Variants in MTFR1 observed in about 807,000 individuals in gnomAD.
The protein encoded by MTFR1 is chondrocyte protein with a poly-proline region.
In MTFR1, 28 loss-of-function variants were observed where a neutral mutation model predicts 38.8. That is an observed-to-expected ratio of 0.72 (90% CI 0.53 to 0.99). MTFR1 has a LOEUF of 0.99. Among genes scored for constraint, MTFR1 ranks in the 50% least tolerant of loss-of-function variants. The probability of loss-of-function intolerance (pLI) is 0.00; values close to 1 mark genes in which losing one functional copy is unlikely to be tolerated. For synonymous variants in MTFR1, 145 were observed against 137.0 expected (o/e 1.06, Z -0.41); for missense variants, 358 against 395.5 (o/e 0.91, Z 0.81).
chr8:65,691,782 TC>T (rs1179149217), intron 3 of MTFR1, among the ~76,000 whole-genome samples: 1 of 152,162 alleles, frequency 6.6e-6, no homozygotes, highest in African/African-American at 2.4e-5. Flanking sequence ...CCCTAGTGGC[TC>T]GGGTTACAGG....
At chr8:65,679,356 A>G (rs1804809210) in intron 2 of MTFR1, 1 of 152,248 alleles carries the variant, frequency 6.6e-6, no homozygotes, top group Non-Finnish European at 1.5e-5. Flanking sequence ...CTGTAATCCT[A>G]GGAGTTTGGG....
chr8:65,753,338 A>G (rs1485442809), intron 3 of MTFR1, among the ~76,000 whole-genome samples: 7 of 152,196 alleles, frequency 4.6e-5, no homozygotes, highest in African/African-American at 1.7e-4. Context: ...TACTACCCAA[A>G]TGGCTCTCTC....
chr8:65,646,571 A>T (rs1022648556), intron 1 of MTFR1, among the ~76,000 whole-genome samples: 4 of 152,258 alleles, frequency 2.6e-5, no homozygotes, highest in Non-Finnish European at 5.9e-5. Context: ...CTCAACAAAT[A>T]CAAGTGCTAA....
chr8:65,713,162 C>T (rs1370070710), downstream of MTFR1, among the ~76,000 whole-genome samples: 18 of 152,124 alleles, frequency 1.2e-4, no homozygotes, highest in Admixed American at 8.5e-4. Context: ...CAGGAGTGGC[C>T]GAGTGCCGTG....
intron 7 of MTFR1, among the ~76,000 whole-genome samples, chr8:65,708,583 T>C (rs1347871972): frequency 1.3e-5 from 2 of 152,220 alleles, no homozygotes; most frequent in African/African-American, 4.8e-5. Flanking sequence ...TTAACATTAC[T>C]GTCCTGGGGC....
chr8:65,644,505 G>A (rs1226661745), upstream of MTFR1, among the ~76,000 whole-genome samples: 1 of 152,246 alleles, frequency 6.6e-6, no homozygotes, highest in East Asian at 1.9e-4. Flanking sequence ...CCCAGGACAG[G>A]ACGGTGAAGG....
chr8:65,765,957 A>G (rs919498237), intron 3 of MTFR1, among the ~76,000 whole-genome samples: 12 of 152,114 alleles, frequency 7.9e-5, no homozygotes, highest in African/African-American at 2.7e-4. Flanking sequence ...TTATTTATTT[A>G]TTTTTTGAGA....
At chr8:65,725,271 G>A (rs565251299) in intron 3 of MTFR1, 2 of 162,548 alleles carry the variant, frequency 1.2e-5, no homozygotes, top group East Asian at 3.6e-4. Flanking sequence ...TCTTTTGCTG[G>A]AAAATTCTCA....
intron 2 of MTFR1, among the ~76,000 whole-genome samples, chr8:65,675,556 G>T (rs1324774613): frequency 1.3e-5 from 2 of 152,042 alleles, no homozygotes; most frequent in Non-Finnish European, 2.9e-5. Context: ...CCAAGATCAC[G>T]CCACTGCACT....
chr8:65,684,419 C>T (rs931507195), intron 3 of MTFR1, among the ~76,000 whole-genome samples: 2 of 149,864 alleles, frequency 1.3e-5, no homozygotes, highest in Non-Finnish European at 3.0e-5. Flanking sequence ...GAGTTTCGCT[C>T]TTGTTGCCTA....
chr8:65,731,852 C>G (rs565035886), intron 3 of MTFR1, among the ~76,000 whole-genome samples: 1 of 152,152 alleles, frequency 6.6e-6, no homozygotes, highest in Non-Finnish European at 1.5e-5. Flanking sequence ...ACTATTCCCT[C>G]TGTACTTGGA....
intron 1 of MTFR1, among the ~76,000 whole-genome samples, chr8:65,660,319 A>G (rs1398900409): frequency 6.6e-6 from 1 of 151,864 alleles, no homozygotes; most frequent in Admixed American, 6.6e-5. Flanking sequence ...AGACAAAAAA[A>G]AAACCCATCT....
At chr8:65,672,755 T>C (rs1170001481) in intron 2 of MTFR1, among the ~76,000 whole-genome samples, 2 of 152,180 alleles carry the variant, frequency 1.3e-5, no homozygotes, top group African/African-American at 2.4e-5. Context: ...TTTTATGTTA[T>C]AGAGATGGCT....
intron 2 of MTFR1, among the ~76,000 whole-genome samples, chr8:65,716,217 A>G (rs1806139915): frequency 6.6e-6 from 1 of 151,818 alleles, no homozygotes; most frequent in African/African-American, 2.4e-5. Flanking sequence ...CAACTTTTCA[A>G]TGGGTTTATT....
chr8:65,665,930 T>C (rs73239095), intron 1 of MTFR1, among the ~76,000 whole-genome samples: 29,225 of 152,256 alleles, frequency 0.19, 2,969 homozygotes, highest in Middle Eastern at 0.23. Context: ...CTATTAATTC[T>C]TACAACTCTG....
intron 3 of MTFR1, chr8:65,728,048 T>C (rs1806681780): frequency 6.6e-6 from 1 of 152,216 alleles, no homozygotes; most frequent in East Asian, 1.9e-4. Flanking sequence ...TTTCATGAAA[T>C]GCCTCTCATT....
At chr8:65,656,940 C>T (rs1426600862) in intron 1 of MTFR1, among the ~76,000 whole-genome samples, 6 of 152,064 alleles carry the variant, frequency 3.9e-5, no homozygotes, top group African/African-American at 1.4e-4. Context: ...GCCACCACAC[C>T]TGCAGGACAG....
At chr8:65,770,154 TG>T (rs1563499620) in intron 3 of MTFR1, among the ~76,000 whole-genome samples, 1 of 134,202 alleles carries the variant, frequency 7.5e-6, no homozygotes, top group African/African-American at 2.6e-5. Flanking sequence ...TGTGTGTGTG[TG>T]TGTGTGTGCC....
intron 1 of MTFR1, among the ~76,000 whole-genome samples, chr8:65,658,257 C>T (rs1809320512): frequency 6.6e-6 from 1 of 152,182 alleles, no homozygotes; most frequent in Admixed American, 6.5e-5. Context: ...AATGTAGTGA[C>T]AACATTGTCA....
Sources: gnomAD v4.1 joint callset for allele counts (sites outside exome capture counted in the v4.1 genomes callset) on GRCh38, gnomAD v4.1.1 for gene constraint, MANE v1.5 for transcripts, NCBI Gene and HGNC (gene_info 2026-07-23, HGNC 2026-07-21) for gene names.